The following TPTE2 variants were observed in gnomAD, a reference collection of about 807,000 sequenced individuals.
The protein encoded by TPTE2 is transmembrane phosphoinositide 3-phosphatase and tensin homolog 2.
Under a neutral mutation model 78.6 loss-of-function variants are expected in TPTE2, and 53 were observed. That is an observed-to-expected ratio of 0.67 (90% CI 0.54 to 0.85). The LOEUF (loss-of-function observed/expected upper bound fraction) is 0.85, where lower values mean the gene tolerates loss of function less well. Ranked by LOEUF, TPTE2 falls within the 40% of genes least tolerant of loss-of-function variation. The probability of loss-of-function intolerance (pLI) is 0.00; values close to 1 mark genes in which losing one functional copy is unlikely to be tolerated. For missense variants in TPTE2, 461 were observed against 623.0 expected (o/e 0.74, Z 2.77); for synonymous variants, 175 against 206.2 (o/e 0.85, Z 1.30).
At chr13:19,473,672 C>T (rs1248510043) in intron 6 of TPTE2, among the ~76,000 whole-genome samples, 5 of 144,560 alleles carry the variant, frequency 3.5e-5, no homozygotes, top group East Asian at 2.1e-4. Context: ...CTCAGCTCAA[C>T]GCAACTTCTG....
the TPTE2 span, among the ~76,000 whole-genome samples, chr13:19,553,249 A>C: frequency 6.6e-6 from 1 of 152,180 alleles, no homozygotes; most frequent in Non-Finnish European, 1.5e-5. Context: ...GCTAATTACC[A>C]CCATCATATT....
At chr13:19,469,990 C>T (rs1011203160) in intron 6 of TPTE2, among the ~76,000 whole-genome samples, 6 of 152,260 alleles carry the variant, frequency 3.9e-5, no homozygotes, top group African/African-American at 1.4e-4. Flanking sequence ...CTTCTTCCAT[C>T]CCAATTTGGA....
At chr13:19,455,431 T>C (rs569094518) in intron 10 of TPTE2, among the ~76,000 whole-genome samples, 4 of 152,320 alleles carry the variant, frequency 2.6e-5, no homozygotes, top group African/African-American at 9.6e-5. Context: ...ATTTGGTCAC[T>C]GGGATGCCAC....
intron 6 of TPTE2, among the ~76,000 whole-genome samples, chr13:19,468,025 CTTTTTTTTTTTTTTTTTTTT>C (rs71092364): frequency 2.2e-5 from 1 of 45,538 alleles, no homozygotes; most frequent in East Asian, 7.9e-4. Context: ...GACAGGATCT[CTTTTTTTTTTTTTTTTTTTT>C]TTTTTTTTTT....
chr13:19,452,237 C>G (rs1030412216), intron 10 of TPTE2, among the ~76,000 whole-genome samples: 1 of 151,964 alleles, frequency 6.6e-6, no homozygotes, highest in Non-Finnish European at 1.5e-5. Flanking sequence ...GTTTAGAAAT[C>G]ACATATAAAA....
At chr13:19,500,344 C>A (rs1868417722) in intron 1 of TPTE2, among the ~76,000 whole-genome samples, 1 of 150,844 alleles carries the variant, frequency 6.6e-6, no homozygotes, top group Non-Finnish European at 1.5e-5. Context: ...AGAGACACAA[C>A]AAAAAAAGAG....
rs761663118 is a variant in TPTE2 at position 19,451,236 on chromosome 13, C to G, written c.742-11G>C. On this transcript the variant is annotated splice_polypyrimidine_tract_variant and intron_variant, in intron 10 of 19. Coordinates refer to ENST00000400230, the Ensembl canonical transcript of TPTE2. ...AAACCGCACAACTTCCTAAAAAAGA[C>G]AAACACATATCTTACATATTTACAT... The G allele has an allele frequency of 6.2e-7, 1 of 1,613,108 alleles. No individual in the cohort carries two copies. Among genetic ancestry groups the G allele is most frequent in the Admixed American group, 1.7e-5 (1 of 59,906 alleles).
intron 1 of TPTE2, among the ~76,000 whole-genome samples, chr13:19,501,638 TAC>T (rs1209499538): frequency 6.6e-6 from 1 of 152,016 alleles, no homozygotes; most frequent in African/African-American, 2.4e-5. Flanking sequence ...TTACACCTTA[TAC>T]AAAAATCAAT....
intron 1 of TPTE2, among the ~76,000 whole-genome samples, chr13:19,519,129 C>T (rs1343207914): frequency 6.6e-6 from 1 of 152,054 alleles, no homozygotes; most frequent in Non-Finnish European, 1.5e-5. Flanking sequence ...GGAAAAGCAA[C>T]CATTTCAAAA....
At chr13:19,433,498 G>C (rs1876833647) in intron 15 of TPTE2, among the ~76,000 whole-genome samples, 1 of 152,120 alleles carries the variant, frequency 6.6e-6, no homozygotes, top group Non-Finnish European at 1.5e-5. Context: ...GCGAGACTCT[G>C]TCTCAAAAAT....
intron 13 of TPTE2, among the ~76,000 whole-genome samples, chr13:19,449,655 A>G (rs1878053121): frequency 6.6e-6 from 1 of 152,202 alleles, no homozygotes. Context: ...GTATATCAAA[A>G]CATCATGTTG....
At chr13:19,536,173 G>A (rs1871201998) in intron 1 of TPTE2, among the ~76,000 whole-genome samples, 1 of 151,906 alleles carries the variant, frequency 6.6e-6, no homozygotes, top group Non-Finnish European at 1.5e-5. Context: ...TTTTGTGTAG[G>A]AATTATCTTG....
chr13:19,452,726 A>T (rs562807606), intron 10 of TPTE2, among the ~76,000 whole-genome samples: 38 of 152,244 alleles, frequency 2.5e-4, no homozygotes, highest in African/African-American at 9.1e-4. Context: ...CAAGAATACA[A>T]TTGCTCTCGG....
intron 13 of TPTE2, among the ~76,000 whole-genome samples, chr13:19,443,397 C>CTTTTTTT: frequency 7.7e-6 from 1 of 129,910 alleles, no homozygotes; most frequent in African/African-American, 2.7e-5. Flanking sequence ...TTCTTTCTTT[C>CTTTTTTT]TTTTTTTTTT....
At chr13:19,536,135 C>T (rs1249537916) in intron 1 of TPTE2, among the ~76,000 whole-genome samples, 1 of 151,974 alleles carries the variant, frequency 6.6e-6, no homozygotes, top group East Asian at 1.9e-4. Context: ...TCTTTTCATT[C>T]TAGATAACAT....
At chr13:19,462,710 T>C (rs1879004852) in intron 10 of TPTE2, among the ~76,000 whole-genome samples, 1 of 151,990 alleles carries the variant, frequency 6.6e-6, no homozygotes, top group Middle Eastern at 3.4e-3. Context: ...ACCTAGCTAA[T>C]TTTTTTCTAT....
intron 6 of TPTE2, among the ~76,000 whole-genome samples, chr13:19,469,619 T>C (rs746653114): frequency 2.0e-5 from 3 of 152,230 alleles, no homozygotes; most frequent in Non-Finnish European, 4.4e-5. Flanking sequence ...TTGGATAGTA[T>C]GGACATTTTA....
intron 1 of TPTE2, among the ~76,000 whole-genome samples, chr13:19,518,572 A>G (rs1427632081): frequency 2.0e-5 from 3 of 152,230 alleles, no homozygotes; most frequent in Non-Finnish European, 4.4e-5. Flanking sequence ...TTAGATACCT[A>G]TTAGAATATC....
intron 1 of TPTE2, among the ~76,000 whole-genome samples, chr13:19,513,914 C>T (rs1333487530): frequency 6.6e-6 from 1 of 152,148 alleles, no homozygotes; most frequent in Non-Finnish European, 1.5e-5. Context: ...CTTCATGAGT[C>T]ACAGATATCT....
Sources: allele counts gnomAD v4.1 joint callset (sites outside exome capture counted in the v4.1 genomes callset), GRCh38; gene constraint gnomAD v4.1.1; transcripts MANE v1.5; gene names NCBI Gene and HGNC (gene_info 2026-07-23, HGNC 2026-07-21).